The following GRID2 variants were observed in gnomAD, a reference collection of about 807,000 sequenced individuals.
GRID2 encodes glutamate ionotropic receptor delta type subunit 2.
Under a neutral mutation model 114.8 loss-of-function variants are expected in GRID2, and 33 were observed. The observed-to-expected ratio is 0.29, with a 90% CI of 0.22 to 0.38. The LOEUF is 0.38. Ranked by LOEUF, GRID2 falls within the 10% of genes least tolerant of loss-of-function variation. GRID2 has a pLI of 1.00. For missense variants in GRID2, 1,184 were observed against 1,257.7 expected (o/e 0.94, Z 0.89); for synonymous variants, 505 against 449.9 (o/e 1.12, Z -1.55).
At position 92,815,300 on chromosome 4, in the gene GRID2, A is replaced by G. The variant is rs147767312; in HGVS notation, c.244+225014A>G. ...TATTGTGCTTAGTAAGTGTATGAGCATGTGTGGGCATATATGGGTGTATAT... is the reference window on the plus strand; with the variant it reads ...TATTGTGCTTAGTAAGTGTATGAGCGTGTGTGGGCATATATGGGTGTATAT... On this transcript the variant is annotated intron_variant, in intron 2 of 15. Coordinates refer to ENST00000282020, the MANE Select transcript of GRID2 (RefSeq NM_001510.4). Among the ~76,000 whole-genome samples the G allele has an allele frequency of 4.8e-3, 730 of 152,254 alleles. 9 individuals carry two copies. Among genetic ancestry groups the G allele is most frequent in the African/African-American group, 0.017 (691 of 41,564 alleles).
At chr4:92,704,766 C>A (rs557896448) in intron 2 of GRID2, among the ~76,000 whole-genome samples, 167 of 102,544 alleles carry the variant, frequency 1.6e-3, no homozygotes, top group African/African-American at 5.7e-3. Context: ...TCCCTCTCTG[C>A]CCCTCCCTCC....
intron 2 of GRID2, among the ~76,000 whole-genome samples, chr4:92,774,669 C>G (rs1200017166): frequency 6.9e-6 from 1 of 145,876 alleles, no homozygotes; most frequent in Non-Finnish European, 1.5e-5. Context: ...AATCATGGCT[C>G]ACTATTTTCT....
intron 2 of GRID2, among the ~76,000 whole-genome samples, chr4:92,614,162 T>A (rs1729888559): frequency 6.6e-6 from 1 of 151,516 alleles, no homozygotes; most frequent in Non-Finnish European, 1.5e-5. Context: ...ACGTGTGCTT[T>A]GACAAATTTC....
At chr4:93,698,963 C>G (rs1727275805) in intron 14 of GRID2, among the ~76,000 whole-genome samples, 1 of 151,970 alleles carries the variant, frequency 6.6e-6, no homozygotes, top group Non-Finnish European at 1.5e-5. Context: ...AATTGGTGAC[C>G]ATGACAGTTT....
At chr4:93,392,466 G>C (rs554673829) in intron 8 of GRID2, among the ~76,000 whole-genome samples, 1 of 152,148 alleles carries the variant, frequency 6.6e-6, no homozygotes, top group African/African-American at 2.4e-5. Flanking sequence ...AATTCAATTT[G>C]AATCTATATG....
chr4:93,682,756 G>T (rs1348251922), intron 14 of GRID2, among the ~76,000 whole-genome samples: 1 of 138,502 alleles, frequency 7.2e-6, no homozygotes, highest in African/African-American at 2.7e-5. Context: ...ACAGGAAGGG[G>T]AACATCACAC....
At chr4:92,880,559 CTG>C (rs1406172874) in intron 2 of GRID2, among the ~76,000 whole-genome samples, 1 of 152,042 alleles carries the variant, frequency 6.6e-6, no homozygotes, top group Non-Finnish European at 1.5e-5. Context: ...TGTCATATAA[CTG>C]TATATCATAG....
chr4:92,967,353 C>A (rs1322565448), intron 2 of GRID2, among the ~76,000 whole-genome samples: 3 of 151,942 alleles, frequency 2.0e-5, no homozygotes, highest in Non-Finnish European at 4.4e-5. Context: ...CGATGCTTCA[C>A]AGTAAAATTC....
intron 1 of GRID2, among the ~76,000 whole-genome samples, chr4:92,438,619 A>G (rs1020434347): frequency 6.7e-6 from 1 of 150,316 alleles, no homozygotes; most frequent in Non-Finnish European, 1.5e-5. Context: ...TTTCTATACT[A>G]GTATTTTAGC....
intron 8 of GRID2, among the ~76,000 whole-genome samples, chr4:93,266,324 C>G (rs1750824026): frequency 6.6e-6 from 1 of 152,142 alleles, no homozygotes; most frequent in South Asian, 2.1e-4. Flanking sequence ...AAAATGTAGT[C>G]TGTAACACTG....
chr4:92,511,533 T>G (rs1457218127), intron 1 of GRID2, among the ~76,000 whole-genome samples: 3 of 151,926 alleles, frequency 2.0e-5, no homozygotes. Context: ...AAACTGGTAC[T>G]CTTTCAGGAA....
chr4:93,538,169 C>T (rs1732287989), intron 13 of GRID2, among the ~76,000 whole-genome samples: 1 of 151,580 alleles, frequency 6.6e-6, no homozygotes, highest in African/African-American at 2.4e-5. Flanking sequence ...GATGTTAAGA[C>T]TGGTGCAGGA....
At chr4:93,750,772 T>C (rs1732255123) in intron 14 of GRID2, among the ~76,000 whole-genome samples, 1 of 151,846 alleles carries the variant, frequency 6.6e-6, no homozygotes, top group African/African-American at 2.4e-5. Context: ...AACAAAAAGG[T>C]GGTCTTGACC....
intron 2 of GRID2, among the ~76,000 whole-genome samples, chr4:92,711,495 G>T (rs139651461): frequency 6.6e-6 from 1 of 152,180 alleles, no homozygotes; most frequent in South Asian, 2.1e-4. Flanking sequence ...GCCACTCTCA[G>T]GCTTTGCCTT....
chr4:92,962,413 C>CT (rs1752880761), intron 2 of GRID2, among the ~76,000 whole-genome samples: 1 of 151,830 alleles, frequency 6.6e-6, no homozygotes, highest in African/African-American at 2.4e-5. Context: ...TCTGTTCCCC[C>CT]TCCCACCCTC....
At chr4:92,363,225 C>A (rs538482550) in intron 1 of GRID2, among the ~76,000 whole-genome samples, 4 of 152,026 alleles carry the variant, frequency 2.6e-5, no homozygotes, top group South Asian at 2.1e-4. Context: ...TTTAACAAGT[C>A]CCCCCATGTG....
intron 2 of GRID2, among the ~76,000 whole-genome samples, chr4:92,714,394 C>T (rs529951732): frequency 6.6e-6 from 1 of 152,304 alleles, no homozygotes; most frequent in Admixed American, 6.5e-5. Flanking sequence ...CTTTTCCAGG[C>T]ACATTATGCA....
intron 10 of GRID2, among the ~76,000 whole-genome samples, chr4:93,429,700 A>T (rs1015985690): frequency 1.3e-5 from 2 of 152,292 alleles, no homozygotes; most frequent in East Asian, 3.9e-4. Flanking sequence ...AAGGAGGAAT[A>T]AGTGGACTAA....
intron 8 of GRID2, among the ~76,000 whole-genome samples, chr4:93,255,720 G>A (rs1749503233): frequency 6.6e-6 from 1 of 152,014 alleles, no homozygotes; most frequent in Non-Finnish European, 1.5e-5. Flanking sequence ...TTGAACTTCT[G>A]CCATGTTGTG....
Sources: gnomAD v4.1 joint callset for allele counts (sites outside exome capture counted in the v4.1 genomes callset) on GRCh38, gnomAD v4.1.1 for gene constraint, MANE v1.5 for transcripts, NCBI Gene and HGNC (gene_info 2026-07-23, HGNC 2026-07-21) for gene names.